The following SCN8A variants were observed in gnomAD, a reference collection of about 807,000 sequenced individuals.
SCN8A encodes sodium voltage-gated channel alpha subunit 8.
Under a neutral mutation model 184.1 loss-of-function variants are expected in SCN8A, and 30 were observed. The observed-to-expected ratio is 0.16, with a 90% CI of 0.12 to 0.22. SCN8A has a LOEUF of 0.22. Among genes scored for constraint, SCN8A ranks in the 10% least tolerant of loss-of-function variants. SCN8A has a pLI of 1.00. For missense variants in SCN8A, 1,057 were observed against 2,498.9 expected (o/e 0.42, Z 12.30); for synonymous variants, 852 against 907.0 (o/e 0.94, Z 1.09).
chr12:51,744,251 C>T (rs887874085), intron 12 of SCN8A, among the ~76,000 whole-genome samples: 1 of 152,264 alleles, frequency 6.6e-6, no homozygotes, highest in Admixed American at 6.5e-5. Context: ...TGCGGTAAGC[C>T]GAGATCATGC....
intron 2 of SCN8A, among the ~76,000 whole-genome samples, chr12:51,678,894 G>T (rs1053604150): frequency 7.4e-5 from 11 of 149,094 alleles, no homozygotes; most frequent in Non-Finnish European, 7.5e-5. Flanking sequence ...TGGCTAACAC[G>T]GTGAAACCCC....
At chr12:51,638,242 G>A (rs574975100) in intron 1 of SCN8A, among the ~76,000 whole-genome samples, 1 of 152,308 alleles carries the variant, frequency 6.6e-6, no homozygotes, top group East Asian at 1.9e-4. Flanking sequence ...ATTCATGCCA[G>A]CTAACACAAC....
chr12:51,724,868 G>A (rs1398711664), intron 12 of SCN8A, among the ~76,000 whole-genome samples: 2 of 152,130 alleles, frequency 1.3e-5, no homozygotes, highest in Non-Finnish European at 2.9e-5. Flanking sequence ...TGTTTTTTTA[G>A]CACCTTCTGT....
At chr12:51,663,578 G>A (rs965659383) in intron 2 of SCN8A, among the ~76,000 whole-genome samples, 3 of 152,170 alleles carry the variant, frequency 2.0e-5, no homozygotes, top group African/African-American at 7.2e-5. Flanking sequence ...AAAGCAAACA[G>A]CCAATGAGGA....
rs1941715700 is a variant in SCN8A at position 51,702,933 on chromosome 12, C to T, written c.1134+19C>T. The stretch of plus-strand genomic sequence containing the variant: ...TCAATTGGTGAGTAATACCTCTTTT[C>T]CTTTGGCCATAGAGTTTGCATGAGC... On this transcript the variant is annotated intron_variant, in intron 9 of 26. Coordinates refer to ENST00000627620, the MANE Select transcript of SCN8A (RefSeq NM_001330260.2). The T allele has an allele frequency of 2.5e-6, 4 of 1,579,220 alleles. No individual in the cohort carries two copies. Among genetic ancestry groups the T allele is most frequent in the Non-Finnish European group, 3.4e-6 (4 of 1,160,554 alleles).
intron 19 of SCN8A, among the ~76,000 whole-genome samples, chr12:51,771,255 C>T (rs1017457288): frequency 2.0e-5 from 3 of 152,060 alleles, no homozygotes; most frequent in Non-Finnish European, 2.9e-5. Context: ...ACTGAGGAGA[C>T]CTGGACAGGG....
At chr12:51,692,476 T>G (rs556463194) in intron 6 of SCN8A, among the ~76,000 whole-genome samples, 22 of 152,342 alleles carry the variant, frequency 1.4e-4, no homozygotes, top group Middle Eastern at 3.4e-3. Flanking sequence ...CTTTTTACTT[T>G]ACTTGACTTG....
rs1938816838 is a variant in SCN8A at position 51,809,336 on chromosome 12, A to G, written c.*1907A>G. The G allele has an allele frequency of 1.3e-5, 2 of 152,242 alleles. No individual in the cohort carries two copies. Among genetic ancestry groups the G allele is most frequent in the African/African-American group, 4.8e-5 (2 of 41,450 alleles). The allele number at this position is 152,242 out of a possible 1,614,324, so 9.4% of individuals were successfully genotyped here. ...ATAAATTCTTCCTGAACCATACACT[A>G]GAGGGGGAAGAAGAACCAACCCATA... is the stretch of plus-strand genomic sequence containing the variant. On this transcript the variant is annotated 3_prime_UTR_variant, in exon 27 of 27. Coordinates refer to ENST00000627620, the MANE Select transcript of SCN8A (RefSeq NM_001330260.2).
In SCN8A at chr12:51,600,366, A is replaced by T. The variant is rs372880189; in HGVS notation, c.-55+9007A>T. On this transcript the variant is annotated intron_variant, in intron 1 of 26. Transcript: ENST00000627620. ...GAAACTCAGTATATTTGATTTTTTG[A>T]TTGTTTGTTTATATCCCATGTGCTT... Among the ~76,000 whole-genome samples, 221 of 152,170 alleles carry T rather than the reference A, an allele frequency of 1.5e-3. 4 individuals carry two copies. In the South Asian group the frequency reaches 0.044, roughly 30 times the overall value.
chr12:51,625,885 A>G (rs996814928), intron 1 of SCN8A, among the ~76,000 whole-genome samples: 6 of 152,200 alleles, frequency 3.9e-5, no homozygotes, highest in East Asian at 1.9e-4. Flanking sequence ...TCTGGTGGCA[A>G]TAGTAGTGGT....
At chr12:51,739,920 G>T (rs764767370) in intron 12 of SCN8A, among the ~76,000 whole-genome samples, 2 of 152,224 alleles carry the variant, frequency 1.3e-5, no homozygotes, top group Non-Finnish European at 2.9e-5. Context: ...TTTATTAACA[G>T]CAAACCAGTC....
intron 12 of SCN8A, among the ~76,000 whole-genome samples, chr12:51,726,140 G>A (rs1942151794): frequency 6.6e-6 from 1 of 152,192 alleles, no homozygotes; most frequent in Non-Finnish European, 1.5e-5. Flanking sequence ...AGTTGTGATT[G>A]AGTGTTGAGA....
chr12:51,612,573 A>G lies in SCN8A; in HGVS notation c.-55+21214A>G, dbSNP rs1939744454. On this transcript the variant is annotated intron_variant, in intron 1 of 26. Coordinates refer to ENST00000627620, the MANE Select transcript of SCN8A (RefSeq NM_001330260.2). ...TTGAATTTTGTCAAATGCTTTTTCT[A>G]TATGAATTGATATGATCATATGATT... Among the ~76,000 whole-genome samples the G allele has an allele frequency of 2.0e-5, 3 of 152,292 alleles. No individual in the cohort carries two copies. The South Asian group carries it at 6.2e-4, about 32-fold the overall frequency.
At chr12:51,709,497 G>A (rs1941838513) in intron 11 of SCN8A, among the ~76,000 whole-genome samples, 1 of 152,182 alleles carries the variant, frequency 6.6e-6, no homozygotes, top group Admixed American at 6.5e-5. Flanking sequence ...AGAAGGCAGG[G>A]CCATGATCAA....
intron 1 of SCN8A, among the ~76,000 whole-genome samples, chr12:51,647,327 G>C (rs1259608665): frequency 6.6e-6 from 1 of 152,220 alleles, no homozygotes; most frequent in Non-Finnish European, 1.5e-5. Context: ...AAGGGTTTCT[G>C]GGGGGAAGAC....
chr12:51,699,428 A>C, intron 6 of SCN8A, 142 bp from the exon 7 acceptor site: 2 of 550,458 alleles, frequency 3.6e-6, no homozygotes. Flanking sequence ...ACCTATTATT[A>C]TTCTCATGGC....
intron 11 of SCN8A, among the ~76,000 whole-genome samples, chr12:51,709,669 C>T (rs1941841847): frequency 6.6e-6 from 1 of 151,990 alleles, no homozygotes; most frequent in African/African-American, 2.4e-5. Context: ...ATAGACTTCT[C>T]ATCCCAGCTT....
At chr12:51,774,418 GTC>G in intron 20 of SCN8A, 56 bp downstream of exon 20, 3 of 1,515,306 alleles carry the variant, frequency 2.0e-6, no homozygotes, top group Non-Finnish European at 2.7e-6. Flanking sequence ...AGAAACAGGG[GTC>G]TCTCTTTTTC....
chr12:51,729,263 G>A (rs1461486917), intron 12 of SCN8A, among the ~76,000 whole-genome samples: 1 of 152,116 alleles, frequency 6.6e-6, no homozygotes, highest in Non-Finnish European at 1.5e-5. Flanking sequence ...AGTTATCTGA[G>A]CAATTGAGGA....
Sources: gnomAD v4.1 joint callset for allele counts (sites outside exome capture counted in the v4.1 genomes callset) on GRCh38, gnomAD v4.1.1 for gene constraint, MANE v1.5 for transcripts, NCBI Gene and HGNC (gene_info 2026-07-23, HGNC 2026-07-21) for gene names.